The following CTNNA3 variants were observed in gnomAD, a reference collection of about 807,000 sequenced individuals.
CTNNA3 encodes the protein catenin alpha 3.
Under a neutral mutation model 95.7 loss-of-function variants are expected in CTNNA3, and 76 were observed. The ratio of observed to expected loss-of-function variants is 0.79; its 90% confidence interval spans 0.66 to 0.96. The LOEUF (loss-of-function observed/expected upper bound fraction) is 0.96, where lower values mean the gene tolerates loss of function less well. Ranked by LOEUF, CTNNA3 falls within the 40% of genes least tolerant of loss-of-function variation. The pLI is 0.00. For synonymous variants in CTNNA3, 431 were observed against 374.4 expected (o/e 1.15, Z -1.74); for missense variants, 1,191 against 1,089.8 (o/e 1.09, Z -1.31).
intron 11 of CTNNA3, among the ~76,000 whole-genome samples, chr10:66,447,230 C>A (rs567585290): frequency 6.6e-6 from 1 of 152,048 alleles, no homozygotes; most frequent in African/African-American, 2.4e-5. Context: ...GAATCAATAT[C>A]GTGAAAATGG....
At chr10:67,552,138 T>C (rs1459718908) in intron 3 of CTNNA3, among the ~76,000 whole-genome samples, 2 of 152,262 alleles carry the variant, frequency 1.3e-5, no homozygotes, top group Non-Finnish European at 2.9e-5. Context: ...TCTCATATAA[T>C]GTGCTAGCAC....
intron 7 of CTNNA3, among the ~76,000 whole-genome samples, chr10:66,837,231 A>G (rs1395384943): frequency 6.6e-6 from 1 of 152,184 alleles, no homozygotes; most frequent in Admixed American, 6.5e-5. Context: ...ACTACGAACA[A>G]CAGAATAACC....
rs1320785216 is a variant in CTNNA3, at chr10:65,914,591, A to G, written c.*5739T>C. 1 of 152,188 alleles carries G rather than the reference A, an allele frequency of 6.6e-6. No individual in the cohort carries two copies. The highest frequency in any genetic ancestry group is 1.9e-4 in the East Asian group (1 of 5,192). 9.4% of individuals were successfully genotyped at this position (152,188 alleles called of 1,614,324 possible). Reference sequence around the variant, plus strand: ...AAATACAGGGAAACTTTATCCTACTACAATAATCCTTGGCCAACACTCTGC... The same window carrying G: ...AAATACAGGGAAACTTTATCCTACTGCAATAATCCTTGGCCAACACTCTGC... On this transcript the variant is annotated 3_prime_UTR_variant, in exon 18 of 18. Transcript: ENST00000433211.
intron 1 of CTNNA3, among the ~76,000 whole-genome samples, chr10:67,723,955 C>T (rs931535275): frequency 2.0e-5 from 3 of 152,108 alleles, no homozygotes; most frequent in South Asian, 2.1e-4. Context: ...CCAATGGGGA[C>T]GAGGAGCTGG....
At chr10:66,296,081 T>TA (rs2091773118) in intron 12 of CTNNA3, among the ~76,000 whole-genome samples, 7 of 151,970 alleles carry the variant, frequency 4.6e-5, no homozygotes. Flanking sequence ...TTTATTTTTT[T>TA]ACACTTTCTA....
At chr10:66,877,496 C>T (rs1216925734) in intron 7 of CTNNA3, among the ~76,000 whole-genome samples, 3 of 152,254 alleles carry the variant, frequency 2.0e-5, no homozygotes, top group African/African-American at 7.2e-5. Flanking sequence ...ATTACTATCT[C>T]ATGAACTGTC....
chr10:66,815,069 T>A (rs762638187), intron 7 of CTNNA3, among the ~76,000 whole-genome samples: 3 of 151,854 alleles, frequency 2.0e-5, no homozygotes, highest in Non-Finnish European at 4.4e-5. Flanking sequence ...CCAACATTTT[T>A]TAAACTTTCA....
At chr10:67,350,001 C>G (rs769966013) in intron 5 of CTNNA3, among the ~76,000 whole-genome samples, 9 of 152,092 alleles carry the variant, frequency 5.9e-5, no homozygotes, top group Non-Finnish European at 1.0e-4. Context: ...CTGTGACAGA[C>G]AAGGCTAGTC....
intron 5 of CTNNA3, among the ~76,000 whole-genome samples, chr10:67,224,378 A>G (rs75477783): frequency 0.019 from 2,941 of 152,282 alleles, 104 homozygotes; most frequent in African/African-American, 0.065. Context: ...GACTTAGCAT[A>G]ATGTCCTTCA....
chr10:66,746,674 T>C lies in CTNNA3; in HGVS notation c.1281+19590A>G, dbSNP rs188528854. 2.5e-3 allele frequency among the ~76,000 whole-genome samples: 374 copies of C among 152,130 alleles called. 2 individuals are homozygous for C. The highest frequency in any genetic ancestry group is 8.3e-3 in the African/African-American group (343 of 41,570). On this transcript the variant is annotated intron_variant, in intron 9 of 17. Coordinates refer to ENST00000433211, the MANE Select transcript of CTNNA3 (RefSeq NM_013266.4). ...ACTACAATAGGTAACTATAAGTGGA[T>C]ACCTTCTATGTCTCTCTACACAAAA...
intron 5 of CTNNA3, among the ~76,000 whole-genome samples, chr10:67,444,990 A>T (rs774637890): frequency 8.5e-5 from 13 of 152,074 alleles, no homozygotes; most frequent in Admixed American, 6.6e-4. Context: ...AATTACTACA[A>T]TATAGTTTAT....
chr10:66,419,522 C>A (rs1366048128), intron 11 of CTNNA3, among the ~76,000 whole-genome samples: 1 of 152,008 alleles, frequency 6.6e-6, no homozygotes, highest in Non-Finnish European at 1.5e-5. Flanking sequence ...CCATTTTTCA[C>A]AGAATAGAAA....
chr10:66,180,525 CA>C (rs1281651737), intron 13 of CTNNA3, among the ~76,000 whole-genome samples: 16 of 152,118 alleles, frequency 1.1e-4, no homozygotes, highest in Non-Finnish European at 2.1e-4. Context: ...ATATCAGATA[CA>C]AAACCAATTT....
intron 7 of CTNNA3, among the ~76,000 whole-genome samples, chr10:66,930,877 A>G (rs1273653794): frequency 1.3e-5 from 2 of 152,176 alleles, no homozygotes; most frequent in Non-Finnish European, 2.9e-5. Flanking sequence ...AAATTATGGG[A>G]AAAAAGTTCT....
chr10:67,036,548 T>A (rs1854072985), intron 7 of CTNNA3, among the ~76,000 whole-genome samples: 1 of 151,902 alleles, frequency 6.6e-6, no homozygotes, highest in African/African-American at 2.4e-5. Context: ...TTTAAAAAAA[T>A]TTTTGGTAGA....
chr10:67,112,630 T>G (rs1858966447), intron 7 of CTNNA3, among the ~76,000 whole-genome samples: 1 of 151,646 alleles, frequency 6.6e-6, no homozygotes, highest in Non-Finnish European at 1.5e-5. Flanking sequence ...ATTCTTTTTT[T>G]TTTTCTAAAT....
intron 7 of CTNNA3, among the ~76,000 whole-genome samples, chr10:67,084,352 A>T (rs1157826221): frequency 6.6e-6 from 1 of 152,096 alleles, no homozygotes; most frequent in Admixed American, 6.6e-5. Flanking sequence ...AACAGTCACT[A>T]ACCATGACCA....
intron 3 of CTNNA3, among the ~76,000 whole-genome samples, chr10:67,550,558 G>A (rs907643448): frequency 2.0e-5 from 3 of 150,804 alleles, no homozygotes; most frequent in African/African-American, 4.9e-5. Flanking sequence ...AAAGAATAAA[G>A]AAATTATTTA....
At chr10:67,228,149 C>A (rs1229779118) in intron 5 of CTNNA3, among the ~76,000 whole-genome samples, 2 of 151,880 alleles carry the variant, frequency 1.3e-5, no homozygotes. Context: ...AAACCCAAAC[C>A]CAGCAGAAGA....
Sources: gnomAD v4.1 joint callset for allele counts (sites outside exome capture counted in the v4.1 genomes callset) on GRCh38, gnomAD v4.1.1 for gene constraint, MANE v1.5 for transcripts, NCBI Gene and HGNC (gene_info 2026-07-23, HGNC 2026-07-21) for gene names.